Variants in ANK1 observed in about 807,000 individuals in gnomAD.
ANK1 encodes the protein ankyrin 1, also known as ankyrin-1.
In ANK1, 51 loss-of-function variants were observed where a neutral mutation model predicts 210.4. That is an observed-to-expected ratio of 0.24 (90% CI 0.19 to 0.31). The LOEUF (loss-of-function observed/expected upper bound fraction) is 0.31, where lower values mean the gene tolerates loss of function less well. Ranked by LOEUF, ANK1 falls within the 10% of genes least tolerant of loss-of-function variation. The pLI is 1.00. For synonymous variants in ANK1, 967 were observed against 1,025.9 expected (o/e 0.94, Z 1.10); for missense variants, 2,051 against 2,504.4 (o/e 0.82, Z 3.86).
chr8:41,886,399 C>G (rs1343547754), intron 1 of ANK1, among the ~76,000 whole-genome samples: 1 of 152,232 alleles, frequency 6.6e-6, no homozygotes, highest in Non-Finnish European at 1.5e-5. Context: ...TCAGGGAGCA[C>G]TATTGAGCAA....
chr8:41,685,160 T>G (rs1817381923), intron 36 of ANK1, among the ~76,000 whole-genome samples: 1 of 152,152 alleles, frequency 6.6e-6, no homozygotes, highest in Non-Finnish European at 1.5e-5. Context: ...AACTCCTGAC[T>G]TCAAGTGATC....
chr8:41,658,166 G>A (rs140375935), intron 42 of ANK1, among the ~76,000 whole-genome samples: 36 of 152,206 alleles, frequency 2.4e-4, no homozygotes, highest in Non-Finnish European at 3.8e-4. Context: ...CACTATGCCC[G>A]GCCCTAGACA....
At chr8:41,682,030 A>C (rs1816216138) in intron 37 of ANK1, among the ~76,000 whole-genome samples, 1 of 152,156 alleles carries the variant, frequency 6.6e-6, no homozygotes, top group Non-Finnish European at 1.5e-5. Flanking sequence ...GGGCTCCCTC[A>C]AAGACTTAAG....
chr8:41,698,999 A>C (rs941413987), intron 23 of ANK1, among the ~76,000 whole-genome samples: 1 of 151,842 alleles, frequency 6.6e-6, no homozygotes, highest in Non-Finnish European at 1.5e-5. Context: ...GGGTTTCACC[A>C]TGTTGGTCAG....
intron 20 of ANK1, 48 bp downstream of exon 20, chr8:41,703,993 C>T (rs1434112083): frequency 1.9e-6 from 3 of 1,552,526 alleles, no homozygotes; most frequent in Non-Finnish European, 2.7e-6. Flanking sequence ...CACAGGGCTG[C>T]TGCCATGGGG....
In ANK1 at chr8:41,694,126, A is replaced by T; in HGVS notation, c.3328-24T>A. The T allele has an allele frequency of 6.2e-7, 1 of 1,608,166 alleles. No individual in the cohort carries two copies. Among genetic ancestry groups the T allele is most frequent in the Non-Finnish European group, 8.5e-7 (1 of 1,176,718 alleles). ...GCCTGTGAAATGACAGAGGCAGGAC[A>T]CTCAGGCCCAAGCAGGAGAGGGGCT... On this transcript the variant is annotated intron_variant, in intron 28 of 42. Coordinates refer to ENST00000289734, the MANE Select transcript of ANK1 (RefSeq NM_000037.4). The surrounding 1 kb of genome is among the most constrained non-coding windows in gnomAD (Gnocchi z 5.7).
chr8:41,668,181 T>C, intron 39 of ANK1, 86 bp downstream of exon 39: 3 of 1,565,988 alleles, frequency 1.9e-6, no homozygotes, highest in Non-Finnish European at 2.6e-6. Flanking sequence ...GCTCAGGGCT[T>C]GAGTGCCTGA....
chr8:41,890,074 T>C (rs1819130269), intron 1 of ANK1, among the ~76,000 whole-genome samples: 1 of 152,246 alleles, frequency 6.6e-6, no homozygotes, highest in Non-Finnish European at 1.5e-5. Flanking sequence ...AGGAATGAAC[T>C]TTGGTAAAGG....
intron 1 of ANK1, among the ~76,000 whole-genome samples, chr8:41,850,940 C>T (rs1459851771): frequency 1.3e-5 from 2 of 152,244 alleles, no homozygotes; most frequent in African/African-American, 4.8e-5. Context: ...CGGCCTCTTT[C>T]TAAGGGAGGC....
At chr8:41,829,610 T>C (rs1453032261) in intron 1 of ANK1, 1 of 152,190 alleles carries the variant, frequency 6.6e-6, no homozygotes, top group African/African-American at 2.4e-5. Flanking sequence ...GGGGAGCTCA[T>C]TGTCTAAGAC....
chr8:41,885,075 A>G (rs60830606), intron 1 of ANK1, among the ~76,000 whole-genome samples: 19,039 of 151,774 alleles, frequency 0.13, 3,301 homozygotes, highest in African/African-American at 0.39. Context: ...AAAAAAAAAA[A>G]GGGGCTCTCG....
At chr8:41,823,621 G>A (rs956630552) in intron 1 of ANK1, among the ~76,000 whole-genome samples, 8 of 151,452 alleles carry the variant, frequency 5.3e-5, no homozygotes, top group African/African-American at 1.9e-4. Flanking sequence ...AAAATTAGCC[G>A]GGCATGGTGG....
intron 42 of ANK1, among the ~76,000 whole-genome samples, chr8:41,656,097 C>T (rs1250548406): frequency 6.6e-6 from 1 of 152,256 alleles, no homozygotes. Context: ...GCCCCCGTGC[C>T]TACGTGGTCA....
At chr8:41,794,862 G>A (rs192728063) in intron 1 of ANK1, among the ~76,000 whole-genome samples, 17 of 152,186 alleles carry the variant, frequency 1.1e-4, no homozygotes, top group Admixed American at 2.6e-4. Context: ...ACGCCACCAC[G>A]CCTGGCTAAT....
chr8:41,771,708 C>T (rs1842996518), intron 1 of ANK1, among the ~76,000 whole-genome samples: 6 of 152,144 alleles, frequency 3.9e-5, no homozygotes, highest in Admixed American at 3.9e-4. Context: ...GGAGGCCTCG[C>T]CTGTGGGGTT....
chr8:41,654,713 T>C lies in ANK1; in HGVS notation c.*1077A>G, dbSNP rs1585719552. The C allele has an allele frequency of 6.5e-6, 1 of 152,750 alleles. No homozygotes were observed. The highest frequency in any genetic ancestry group is 1.9e-4 in the East Asian group (1 of 5,188). 9.5% of individuals were successfully genotyped at this position (152,750 alleles called of 1,614,324 possible). On this transcript the variant is annotated 3_prime_UTR_variant, in exon 43 of 43. Coordinates refer to ENST00000289734, the MANE Select transcript of ANK1 (RefSeq NM_000037.4). ...TAAATGTTTCTATTGGTTTGCATAG[T>C]ATTTATTGTTTTTCATATACACAAG...
exon 1 of ANK1, chr8:41,896,674 T>A (rs1421271115): frequency 3.4e-5 from 21 of 623,184 alleles, no homozygotes; most frequent in Non-Finnish European, 4.1e-5. Flanking sequence ...GAGGGGCGGC[T>A]GCCCGCGGCC....
At chr8:41,859,850 A>G (rs1457823811) in intron 1 of ANK1, among the ~76,000 whole-genome samples, 2 of 152,260 alleles carry the variant, frequency 1.3e-5, no homozygotes, top group African/African-American at 4.8e-5. Flanking sequence ...CGCAGCAACA[A>G]CAGGTAGCTT....
chr8:41,872,293 C>T (rs1815686141), intron 1 of ANK1, among the ~76,000 whole-genome samples: 2 of 152,256 alleles, frequency 1.3e-5, no homozygotes, highest in Non-Finnish European at 2.9e-5. Context: ...TGAGCGTACA[C>T]AGCACCCTCT....
Sources: allele counts gnomAD v4.1 joint callset (sites outside exome capture counted in the v4.1 genomes callset), GRCh38; gene constraint gnomAD v4.1.1; non-coding constraint Gnocchi (gnomAD v3.1); transcripts MANE v1.5; gene names NCBI Gene and HGNC (gene_info 2026-07-23, HGNC 2026-07-21).